Variants in HSPA13 observed in about 807,000 individuals in gnomAD.
HSPA13 encodes the protein heat shock protein family A (Hsp70) member 13.
A neutral mutation model predicts 38.8 loss-of-function variants in HSPA13; 29 were observed. The ratio of observed to expected loss-of-function variants is 0.75; its 90% CI spans 0.56 to 1.02. HSPA13 has a LOEUF of 1.02. Ranked by LOEUF, HSPA13 falls within the 50% of genes least tolerant of loss-of-function variation. HSPA13 has a pLI of 0.00. For missense variants in HSPA13, 451 were observed against 560.9 expected (o/e 0.80, Z 1.98); for synonymous variants, 192 against 205.3 (o/e 0.94, Z 0.56).
rs370581104 is a variant in HSPA13, at chr21:14,373,580, C to A, written c.*37G>T. The A allele has an allele frequency of 2.6e-5, 39 of 1,504,028 alleles. No individual in the cohort carries two copies. In the African/African-American group the frequency reaches 4.7e-4, roughly 18 times the overall value. The allele number at this position is 1,504,028 out of a possible 1,614,324, so 93.2% of individuals were successfully genotyped here. On this transcript the variant is annotated 3_prime_UTR_variant, in exon 5 of 5. Transcript: ENST00000285667. ...AATCTGATAAATGGGAAGAGATCATCAGACAAGTTCACAAATAACCATTAT... is the reference window on the plus strand; with the variant it reads ...AATCTGATAAATGGGAAGAGATCATAAGACAAGTTCACAAATAACCATTAT...
intron 2 of HSPA13, among the ~76,000 whole-genome samples, chr21:14,380,712 T>C (rs1344257030): frequency 6.6e-6 from 1 of 152,140 alleles, no homozygotes; most frequent in African/African-American, 2.4e-5. Flanking sequence ...ATCTCCAACA[T>C]TAGTGAAAAA....
At chr21:14,380,813 A>G (rs1472699142) in intron 2 of HSPA13, among the ~76,000 whole-genome samples, 1 of 152,200 alleles carries the variant, frequency 6.6e-6, no homozygotes, top group East Asian at 1.9e-4. Flanking sequence ...TGATCCTATT[A>G]ATTATCCATG....
At chr21:14,378,106 T>G (rs1984073551) in intron 3 of HSPA13, 93 bp downstream of exon 3, 2 of 878,454 alleles carry the variant, frequency 2.3e-6, no homozygotes, top group South Asian at 3.1e-5. Context: ...TGACTATGGT[T>G]GTGTGGTTTG....
In HSPA13 at chr21:14,374,045, T is replaced by C; in HGVS notation, c.988A>G (p.Lys330Glu). The stretch of plus-strand genomic sequence containing the variant: ...TCATCTGCTGAGGAAAGTTTGTCTT[T>C]TGGCAGTTCAGTGTCACTACTGTGA... ...EPHSSDTELP[K>E]DKLSSADDHR... is the part of the protein sequence containing the mutation. The change falls in exon 5 of 5, where the codon AAA becomes GAA. Residue 330 changes from lysine (K) to glutamate (E), a missense_variant. Transcript: ENST00000285667. 3 of 1,614,192 alleles carry C rather than the reference T, an allele frequency of 1.9e-6. No individual in the cohort carries two copies. Among genetic ancestry groups the C allele is most frequent in the Non-Finnish European group, 2.5e-6 (3 of 1,180,026 alleles).
In HSPA13 at chr21:14,373,308, T is replaced by TGAA. The variant is rs1427480806; in HGVS notation, c.*308_*309insTTC. The stretch of plus-strand genomic sequence containing the variant: ...ACTTAATGTTTATAGAATATAATGT[T>TGAA]AAGTGCATATGGTTATCAACCTCCA... On this transcript the variant is annotated 3_prime_UTR_variant, in exon 5 of 5. Coordinates refer to ENST00000285667, the MANE Select transcript of HSPA13 (RefSeq NM_006948.5). The TGAA allele has an allele frequency of 8.0e-6, 2 of 249,534 alleles. No homozygotes were observed. Among genetic ancestry groups the TGAA allele is most frequent in the Non-Finnish European group, 1.5e-5 (2 of 129,310 alleles). The allele number at this position is 249,534 out of a possible 1,614,324, so 15.5% of individuals were successfully genotyped here.
chr21:14,382,337 G>C (rs1284236152), intron 1 of HSPA13, among the ~76,000 whole-genome samples: 1 of 152,002 alleles, frequency 6.6e-6, no homozygotes, highest in Admixed American at 6.6e-5. Context: ...AAAGAAAAAA[G>C]AGTAGGAACA....
In HSPA13 at chr21:14,373,457, A is replaced by G. The variant is rs192519852; in HGVS notation, c.*160T>C. ...AACAGGATCAATCTGGTCACGTCTA[A>G]TCCTAAGACAAAACACTATGTAAAA... On this transcript the variant is annotated 3_prime_UTR_variant, in exon 5 of 5. Transcript: ENST00000285667. 193 of 625,712 alleles carry G rather than the reference A, an allele frequency of 3.1e-4. No individual in the cohort carries two copies. Among genetic ancestry groups the G allele is most frequent in the Non-Finnish European group, 4.8e-4 (176 of 363,514 alleles). The allele number at this position is 625,712 out of a possible 1,614,324, so 38.8% of individuals were successfully genotyped here.
Position 14,383,084 on chromosome 21 carries a change from C to T in HSPA13, c.25+11G>A, listed in dbSNP as rs769564683. On this transcript the variant is annotated intron_variant, in intron 1 of 4. Transcript: ENST00000285667. ...CGCCCGCAAGAGCAACAAGGACCCC[C>T]GGGAACCCACCTAAGATCGTCATCT... 2 of 1,614,122 alleles carry T rather than the reference C, an allele frequency of 1.2e-6. No individual in the cohort carries two copies. Among genetic ancestry groups the T allele is most frequent in the Non-Finnish European group, 1.7e-6 (2 of 1,179,996 alleles).
At chr21:14,375,547 T>G in intron 4 of HSPA13, 105 bp downstream of exon 4, 1 of 675,498 alleles carries the variant, frequency 1.5e-6, no homozygotes, top group South Asian at 1.8e-5. Flanking sequence ...TTAGCCAGGA[T>G]GGTCTCGATC....
At position 14,378,269 on chromosome 21, in the gene HSPA13, A is replaced by G. The variant is rs756773914; in HGVS notation, c.510T>C (p.Ala170=). ...EAYLGMPVAN[A]VISVPAEFDL... ...CAAATTCTGCTGGTACAGAAATGAC[A>G]GCATTGGCAACTGGCATTCCAAGAT... is the stretch of plus-strand genomic sequence containing the variant. Residue 170 remains alanine (A), a synonymous_variant, in exon 3 of 5, where the codon GCT becomes GCC. Transcript: ENST00000285667. 5.0e-6 allele frequency: 8 copies of G among 1,614,192 alleles called. No individual in the cohort carries two copies. The highest frequency in any genetic ancestry group is 2.2e-5 in the East Asian group (1 of 44,874).
rs939961365 is a variant in HSPA13 at position 14,372,755 on chromosome 21, G to A, written c.*862C>T. ...AAAGAAACAAATACAGTAGGTAATT[G>A]ATGCTATTTGCCAATGTTTGCAAAG... is the stretch of plus-strand genomic sequence containing the variant. On this transcript the variant is annotated 3_prime_UTR_variant, in exon 5 of 5. Coordinates refer to ENST00000285667, the MANE Select transcript of HSPA13 (RefSeq NM_006948.5). The A allele has an allele frequency of 1.3e-5, 2 of 152,094 alleles. No homozygotes were observed. Among genetic ancestry groups the A allele is most frequent in the African/African-American group, 4.8e-5 (2 of 41,444 alleles). The allele number at this position is 152,094 out of a possible 1,614,324, so 9.4% of individuals were successfully genotyped here. A position where few individuals can be genotyped will look rare whatever the true frequency, so the allele number is the denominator to read the frequency against.
intron 3 of HSPA13, 116 bp from the exon 4 acceptor site, chr21:14,375,935 G>A: frequency 1.3e-6 from 1 of 742,234 alleles, no homozygotes; most frequent in African/African-American, 1.7e-5. Context: ...GAGTAATAAT[G>A]AGAGCAGTCA....
At position 14,374,026 on chromosome 21, in the gene HSPA13, G is replaced by C. The variant is rs751818232; in HGVS notation, c.1007C>G (p.Ala336Gly). 6.2e-7 allele frequency: 1 copy of C among 1,614,232 alleles called. No homozygotes were observed. The stretch of plus-strand genomic sequence containing the variant: ...CCCACTGTTCACGCGATGGTCATCT[G>C]CTGAGGAAAGTTTGTCTTTTGGCAG... The part of the protein sequence containing the change: ...TELPKDKLSS[A>G]DDHRVNSGFG... Residue 336 changes from alanine (A) to glycine (G), a missense_variant, in exon 5 of 5, where the codon GCA (alanine) becomes GGA (glycine). By Grantham distance (60) the Ala-to-Gly change is moderately conservative (BLOSUM62 0). Transcript: ENST00000285667.
intron 3 of HSPA13, among the ~76,000 whole-genome samples, chr21:14,376,715 C>T (rs1984037023): frequency 6.6e-6 from 1 of 152,232 alleles, no homozygotes; most frequent in Non-Finnish European, 1.5e-5. Flanking sequence ...CCTCTATGTA[C>T]CAGCAAATTC....
At position 14,373,257 on chromosome 21, in the gene HSPA13, G is replaced by A. The variant is rs945733537; in HGVS notation, c.*360C>T. 7 of 180,622 alleles carry A rather than the reference G, an allele frequency of 3.9e-5. No homozygotes were observed. Among genetic ancestry groups the A allele is most frequent in the African/African-American group, 1.7e-4 (7 of 42,278 alleles). The allele number at this position is 180,622 out of a possible 1,614,324, so 11.2% of individuals were successfully genotyped here. ...AGCTCCTGCTAATACAATTTAGTAA[G>A]AACTGGGAATCTCATAACTGGCACT... On this transcript the variant is annotated 3_prime_UTR_variant, in exon 5 of 5. Coordinates refer to ENST00000285667, the MANE Select transcript of HSPA13 (RefSeq NM_006948.5).
At chr21:14,375,388 T>C (rs542358278) in intron 4 of HSPA13, among the ~76,000 whole-genome samples, 27 of 149,706 alleles carry the variant, frequency 1.8e-4, no homozygotes, top group Middle Eastern at 3.5e-3. Context: ...ACTATCAAAA[T>C]GAAGTCAAAG....
intron 3 of HSPA13, among the ~76,000 whole-genome samples, chr21:14,376,091 C>T (rs1299926804): frequency 6.6e-6 from 1 of 152,184 alleles, no homozygotes; most frequent in African/African-American, 2.4e-5. Context: ...TTAATTAACA[C>T]TTAATTTTCA....
chr21:14,374,111 A>G lies in HSPA13; in HGVS notation c.922T>C (p.Ser308Pro). The change falls in exon 5 of 5, where the codon TCA becomes CCA. Residue 308 changes from serine (S) to proline (P), a missense_variant. Coordinates refer to ENST00000285667, the MANE Select transcript of HSPA13 (RefSeq NM_006948.5). The part of the protein sequence containing the change: ...NLTLHQSAQL[S>P]VLLTVEEQDR... The stretch of plus-strand genomic sequence containing the variant: ...TGCTCCTCCACCGTTAGTAATACTG[A>G]CAACTGAGCAGATTGATGAAGAGTC... The G allele has an allele frequency of 6.2e-7, 1 of 1,614,154 alleles. No homozygotes were observed.
intron 4 of HSPA13, among the ~76,000 whole-genome samples, chr21:14,374,719 C>T (rs1357196512): frequency 6.6e-6 from 1 of 151,988 alleles, no homozygotes; most frequent in East Asian, 1.9e-4. Flanking sequence ...AATAATTTTT[C>T]AGTAAATAGA....
Sources: allele counts gnomAD v4.1 joint callset (sites outside exome capture counted in the v4.1 genomes callset), GRCh38; gene constraint gnomAD v4.1.1; transcripts MANE v1.5; gene names NCBI Gene and HGNC (gene_info 2026-07-23, HGNC 2026-07-21).